The following APBA2 variants were observed in gnomAD, a reference collection of about 807,000 sequenced individuals.
APBA2 encodes the protein amyloid beta precursor protein binding family A member 2, also known as amyloid-beta A4 precursor protein-binding family A member 2.
A neutral mutation model predicts 75.0 loss-of-function variants in APBA2; 30 were observed. That is an observed-to-expected ratio of 0.40 (90% confidence interval 0.30 to 0.54). The LOEUF (loss-of-function observed/expected upper bound fraction) is 0.54. Ranked by LOEUF, APBA2 falls within the 20% of genes least tolerant of loss-of-function variation. The pLI is 0.49. For synonymous variants in APBA2, 444 were observed against 409.6 expected (o/e 1.08, Z -1.01); for missense variants, 801 against 1,016.1 (o/e 0.79, Z 2.88).
intron 9 of APBA2, among the ~76,000 whole-genome samples, chr15:29,099,449 C>G (rs760965936): frequency 4.6e-5 from 7 of 152,230 alleles, no homozygotes; most frequent in Non-Finnish European, 1.0e-4. Context: ...GAAGTTGTGT[C>G]TACCAGGGAA....
intron 1 of APBA2, among the ~76,000 whole-genome samples, chr15:28,920,687 G>A (rs1232770748): frequency 6.6e-6 from 1 of 152,214 alleles, no homozygotes; most frequent in South Asian, 2.1e-4. Context: ...GGCAGCAGCC[G>A]TGGATGTTAA....
rs1265656095 is a variant in APBA2, at chr15:28,969,126, CTTTTTCTTTCTT to C, written c.-94-26625_-94-26614del. 1.3e-3 allele frequency among the ~76,000 whole-genome samples: 143 copies of C among 106,314 alleles called. 1 individual carries two copies. In the East Asian group the frequency reaches 0.022, roughly 16 times the overall value. The allele number at this position is 106,314 out of a possible 152,430, so 69.7% of individuals were successfully genotyped here. On this transcript the variant is annotated intron_variant, in intron 2 of 14. Transcript: ENST00000683413. ...TCTACAAAAACCTTACCTTTCATTT[CTTTTTCTTTCTT>C]TCTTTCTTTCTTTCTTTCTTTCTTT...
rs116815966 is a variant in APBA2, at chr15:29,104,685, G to T, written c.1525-694G>T. Among the ~76,000 whole-genome samples, 755 of 152,338 alleles carry T rather than the reference G, an allele frequency of 5.0e-3. 5 individuals are homozygous for T. Among genetic ancestry groups the T allele is most frequent in the African/African-American group, 0.017 (725 of 41,574 alleles). ...CACCCTCTGCCTCCAGTGGGCACTG[G>T]GTTCTGTTGCTACCGATAAATACAT... On this transcript the variant is annotated intron_variant, in intron 10 of 14. Coordinates refer to ENST00000683413, the MANE Select transcript of APBA2 (RefSeq NM_001353788.2).
chr15:28,903,306 G>A (rs922241475), intron 1 of APBA2, among the ~76,000 whole-genome samples: 1 of 152,216 alleles, frequency 6.6e-6, no homozygotes, highest in African/African-American at 2.4e-5. Flanking sequence ...AGTGACCAAA[G>A]CTGTTGTAAG....
At chr15:28,963,344 G>T in intron 2 of APBA2, among the ~76,000 whole-genome samples, 1 of 152,220 alleles carries the variant, frequency 6.6e-6, no homozygotes, top group Admixed American at 6.5e-5. Context: ...CAGGGGCATT[G>T]TTGAAGATCC....
At chr15:28,895,877 C>T (rs1389342978) in intron 1 of APBA2, among the ~76,000 whole-genome samples, 3 of 152,048 alleles carry the variant, frequency 2.0e-5, no homozygotes, top group South Asian at 2.1e-4. Context: ...TTTGGGAAGC[C>T]GAGGAGGGAG....
At chr15:29,088,822 C>T (rs1274617280) in intron 6 of APBA2, among the ~76,000 whole-genome samples, 1 of 152,220 alleles carries the variant, frequency 6.6e-6, no homozygotes, top group East Asian at 1.9e-4. Context: ...TCCTCCCCAC[C>T]CTCGACTTGT....
chr15:29,054,949 C>G lies in APBA2; in HGVS notation c.951+114C>G, dbSNP rs1232122243. Reference sequence around the variant, plus strand: ...GCGGTGGGGGGTGCTGGGTGCCTCACAGTTCTAATGGTGGCTGAGCTCTTC... The same window carrying G: ...GCGGTGGGGGGTGCTGGGTGCCTCAGAGTTCTAATGGTGGCTGAGCTCTTC... On this transcript the variant is annotated intron_variant, in intron 4 of 14. Transcript: ENST00000683413. This position sits in a 1 kb window ranked among gnomAD's most constrained non-coding sequence, Gnocchi z 6.1. The G allele has an allele frequency of 4.0e-6, 4 of 1,006,286 alleles. No homozygotes were observed. The highest frequency in any genetic ancestry group is 1.6e-5 in the African/African-American group (1 of 61,696). The allele number at this position is 1,006,286 out of a possible 1,614,324, so 62.3% of individuals were successfully genotyped here. A position where few individuals can be genotyped will look rare whatever the true frequency, so the allele number is the denominator to read the frequency against.
chr15:29,074,117 A>G (rs1043579140), intron 4 of APBA2, among the ~76,000 whole-genome samples: 3 of 152,194 alleles, frequency 2.0e-5, no homozygotes, highest in Non-Finnish European at 2.9e-5. Flanking sequence ...GAGTTATCCT[A>G]TGATCCAGTG....
intron 2 of APBA2, among the ~76,000 whole-genome samples, chr15:28,992,205 G>A (rs118118951): frequency 4.3e-4 from 66 of 152,226 alleles, no homozygotes; most frequent in African/African-American, 8.4e-4. Context: ...TAGCCTAAGC[G>A]GCTTCCTGTC....
intron 2 of APBA2, among the ~76,000 whole-genome samples, chr15:28,968,605 G>A (rs971564297): frequency 2.0e-5 from 3 of 152,136 alleles, no homozygotes; most frequent in African/African-American, 7.2e-5. Context: ...CTTTTTGTGA[G>A]CAGGCAGCTG....
intron 2 of APBA2, among the ~76,000 whole-genome samples, chr15:28,966,852 G>A (rs1463688481): frequency 6.6e-6 from 1 of 151,976 alleles, no homozygotes; most frequent in African/African-American, 2.4e-5. Context: ...CTTTATGATT[G>A]CTGTAAATAT....
intron 13 of APBA2, among the ~76,000 whole-genome samples, chr15:29,110,627 C>G (rs970075559): frequency 9.2e-5 from 14 of 152,302 alleles, no homozygotes; most frequent in African/African-American, 3.4e-4. Context: ...ATGAGGAGCA[C>G]AGGAACTGGA....
At chr15:29,016,013 C>T (rs1287832293) in intron 3 of APBA2, among the ~76,000 whole-genome samples, 2 of 152,330 alleles carry the variant, frequency 1.3e-5, no homozygotes, top group East Asian at 1.9e-4. Context: ...AATCCCAGCA[C>T]TTTGGGAGGC....
intron 4 of APBA2, among the ~76,000 whole-genome samples, chr15:29,072,554 C>T (rs532733870): frequency 6.6e-6 from 1 of 152,088 alleles, no homozygotes; most frequent in South Asian, 2.1e-4. Flanking sequence ...GGTACCTGGG[C>T]CAGTCTCAGC....
At chr15:29,016,813 C>A (rs1374103322) in intron 3 of APBA2, among the ~76,000 whole-genome samples, 1 of 152,138 alleles carries the variant, frequency 6.6e-6, no homozygotes, top group African/African-American at 2.4e-5. Flanking sequence ...TCTTTGCCTG[C>A]TTCTCCTTTG....
At chr15:29,006,217 G>A (rs1014159441) in intron 3 of APBA2, among the ~76,000 whole-genome samples, 1 of 152,158 alleles carries the variant, frequency 6.6e-6, no homozygotes, top group Non-Finnish European at 1.5e-5. Context: ...AACACACAAA[G>A]CTGTTATAAC....
intron 13 of APBA2, among the ~76,000 whole-genome samples, chr15:29,109,538 T>C (rs2044619051): frequency 6.6e-6 from 1 of 152,196 alleles, no homozygotes; most frequent in South Asian, 2.1e-4. Flanking sequence ...TGTGTCTCGC[T>C]GGCACTGCAG....
chr15:29,042,366 G>A (rs376748331), intron 3 of APBA2, among the ~76,000 whole-genome samples: 2 of 152,014 alleles, frequency 1.3e-5, no homozygotes, highest in African/African-American at 4.8e-5. Flanking sequence ...TCTGCCTCCC[G>A]AGTTTAAGAG....
Sources: allele counts gnomAD v4.1 joint callset (sites outside exome capture counted in the v4.1 genomes callset), GRCh38; gene constraint gnomAD v4.1.1; non-coding constraint Gnocchi (gnomAD v3.1); transcripts MANE v1.5; gene names NCBI Gene and HGNC (gene_info 2026-07-23, HGNC 2026-07-21).